Variants in DSN1 observed in about 807,000 individuals in gnomAD.
The protein encoded by DSN1 is DSN1 component of MIS12 kinetochore complex.
Under a neutral mutation model 45.7 loss-of-function variants are expected in DSN1, and 31 were observed. That is an observed-to-expected ratio of 0.68 (90% CI 0.51 to 0.92). The LOEUF (loss-of-function observed/expected upper bound fraction) is 0.92, where lower values mean the gene tolerates loss of function less well. Among genes scored for constraint, DSN1 ranks in the 40% least tolerant of loss-of-function variants. The pLI is 0.00. For missense variants in DSN1, 394 were observed against 414.2 expected (o/e 0.95, Z 0.42); for synonymous variants, 134 against 142.3 (o/e 0.94, Z 0.41).
At chr20:36,764,732 C>T (rs1187358016) in intron 5 of DSN1, among the ~76,000 whole-genome samples, 1 of 152,068 alleles carries the variant, frequency 6.6e-6, no homozygotes, top group Non-Finnish European at 1.5e-5. Flanking sequence ...ACCAGCCTGG[C>T]CAACATGGCG....
intron 6 of DSN1, among the ~76,000 whole-genome samples, 188 bp from the exon 7 acceptor site, chr20:36,758,805 A>G (rs1986815020): frequency 6.6e-6 from 1 of 152,004 alleles, no homozygotes; most frequent in Admixed American, 6.6e-5. Flanking sequence ...CTCCTGCCTT[A>G]GCCTCCAGAG....
chr20:36,762,638 G>A, intron 5 of DSN1, 90 bp from the exon 6 acceptor site: 2 of 1,172,236 alleles, frequency 1.7e-6, no homozygotes, highest in Non-Finnish European at 2.4e-6. Flanking sequence ...GGTAGTCTCA[G>A]CTCTAGGTAC....
chr20:36,772,988 TG>T (rs552041795), intron 1 of DSN1, among the ~76,000 whole-genome samples: 1 of 152,066 alleles, frequency 6.6e-6, no homozygotes, highest in Non-Finnish European at 1.5e-5. Context: ...AATCTGTCTG[TG>T]GGGGGTGCTA....
chr20:36,753,635 CAAAAAAAA>C (rs1290145844), intron 10 of DSN1, among the ~76,000 whole-genome samples: 1 of 49,904 alleles, frequency 2.0e-5, no homozygotes. Flanking sequence ...GAGACTGTCT[CAAAAAAAA>C]AAAAAAAAAA....
intron 4 of DSN1, 85 bp downstream of exon 4, chr20:36,767,876 TGGGTGACA>T (rs1053968304): frequency 9.2e-6 from 12 of 1,300,332 alleles, no homozygotes; most frequent in Non-Finnish European, 1.3e-5. Context: ...CACTCCAGCC[TGGGTGACA>T]GAGTCAGGCT....
At chr20:36,759,863 T>A (rs1481496779) in intron 6 of DSN1, among the ~76,000 whole-genome samples, 22 of 152,152 alleles carry the variant, frequency 1.4e-4, no homozygotes, top group Admixed American at 1.4e-3. Flanking sequence ...TATATTCTGT[T>A]TCTCTTATCA....
chr20:36,754,877 G>C (rs1238466755), intron 9 of DSN1, 27 bp from the exon 10 acceptor site: 1 of 1,601,670 alleles, frequency 6.2e-7, no homozygotes, highest in African/African-American at 1.3e-5. Flanking sequence ...GCTGTGAGCT[G>C]TAAAGGTCCA....
intron 8 of DSN1, 92 bp downstream of exon 8, chr20:36,757,995 T>G: frequency 8.3e-7 from 1 of 1,202,690 alleles, no homozygotes; most frequent in Non-Finnish European, 1.2e-6. Flanking sequence ...TGAGAAAGGA[T>G]TCATCTTTCA....
intron 6 of DSN1, among the ~76,000 whole-genome samples, chr20:36,759,545 G>A (rs924586207): frequency 1.3e-5 from 2 of 151,714 alleles, no homozygotes; most frequent in Non-Finnish European, 2.9e-5. Flanking sequence ...GTGCAGTGGC[G>A]CAATCTTGGC....
At position 36,771,168 on chromosome 20, in the gene DSN1, A is replaced by G. The variant is rs759465254; in HGVS notation, c.60T>C (p.Thr20=). 6.2e-7 allele frequency: 1 copy of G among 1,607,298 alleles called. No homozygotes were observed. Among genetic ancestry groups the G allele is most frequent in the Non-Finnish European group, 8.5e-7 (1 of 1,175,580 alleles). Reference sequence around the variant, plus strand: ...GACTTGATTCCAATTGATGATCATGAGTCTTAGACATCACTGGTCCTTTTT... The same window carrying G: ...GACTTGATTCCAATTGATGATCATGGGTCTTAGACATCACTGGTCCTTTTT... ...IDEKGPVMSK[T]HDHQLESSLS... The change falls in exon 3 of 11, where the codon ACT becomes ACC. Residue 20 remains threonine (T), a synonymous_variant. Transcript: ENST00000373750.
intron 5 of DSN1, among the ~76,000 whole-genome samples, chr20:36,764,776 C>T (rs1442018919): frequency 6.6e-6 from 1 of 151,924 alleles, no homozygotes; most frequent in Admixed American, 6.6e-5. Context: ...CAAAATTAGC[C>T]AGGCATGGTG....
rs1486150993 is a variant in DSN1 at position 36,770,940 on chromosome 20, C to T, written c.288G>A (p.Trp96Ter). Reference protein sequence around the residue: ...SASYQDRRQSWRRASMKETNR... With the variant: ...SASYQDRRQS ...TCGTTTCTTTCATACTTGCTCGCCG[C>T]CAGGATTGCCTCCTGTCTTGATAAC... Residue 96 changes from tryptophan (W) to a stop codon, truncating the protein, a stop_gained, in exon 3 of 11, where the codon TGG becomes TGA. Transcript: ENST00000373750. LOFTEE classifies it high-confidence loss of function. The T allele has an allele frequency of 6.2e-7, 1 of 1,614,180 alleles. No individual in the cohort carries two copies. The highest frequency in any genetic ancestry group is 1.7e-5 in the Admixed American group (1 of 60,016).
intron 5 of DSN1, among the ~76,000 whole-genome samples, chr20:36,763,080 T>C (rs1431245144): frequency 1.3e-5 from 2 of 152,222 alleles, no homozygotes; most frequent in African/African-American, 4.8e-5. Context: ...TAAATGTTTC[T>C]ATAAATGAAC....
At chr20:36,771,603 A>AGGTGGTGGGCCT in intron 1 of DSN1, 130 bp from the exon 2 acceptor site, 1 of 722,364 alleles carries the variant, frequency 1.4e-6, no homozygotes, top group Non-Finnish European at 2.3e-6. Flanking sequence ...CACCTCCCTG[A>AGGTGGTGGGCCT]CAGAGAATAT....
At chr20:36,758,001 T>C in intron 8 of DSN1, 86 bp downstream of exon 8, 1 of 1,283,006 alleles carries the variant, frequency 7.8e-7, no homozygotes, top group East Asian at 2.5e-5. Context: ...AGGATTCATC[T>C]TTCAATTTGT....
At position 36,771,106 on chromosome 20, in the gene DSN1, G is replaced by A. The variant is rs1259203967; in HGVS notation, c.122C>T (p.Ser41Phe). ...PVEVFAKTSA[S>F]LEMNQGVSEE... ...TGAAACGCCTTGATTCATCTCCAGG[G>A]AGGCAGATGTTTTAGCAAACACTTC... The change falls in exon 3 of 11, where the codon TCC (serine) becomes TTC (phenylalanine). Residue 41 changes from serine (S) to phenylalanine (F), a missense_variant. Ser to Phe is a radical substitution (Grantham distance 155). Coordinates refer to ENST00000373750, the MANE Select transcript of DSN1 (RefSeq NM_001145315.2). 6.2e-7 allele frequency: 1 copy of A among 1,614,132 alleles called. No homozygotes were observed. The highest frequency in any genetic ancestry group is 1.1e-5 in the South Asian group (1 of 91,080).
intron 1 of DSN1, 105 bp downstream of exon 1, chr20:36,773,557 G>C (rs925279355): frequency 4.3e-5 from 42 of 985,830 alleles, no homozygotes; most frequent in Non-Finnish European, 4.8e-5. Flanking sequence ...GTCGAGCTGG[G>C]CCGACGGGTA....
rs763993322 is a variant in DSN1 at position 36,755,804 on chromosome 20, C to T, written c.751G>A (p.Glu251Lys). ...SRGSTEAKIT[E>K]VKVEPMTYLG... is the part of the protein sequence containing the mutation. The stretch of plus-strand genomic sequence containing the variant: ...TATGTCATAGGTTCCACTTTGACCT[C>T]AGTAATTTTGGCCTCAGTTGATCCT... The change falls in exon 9 of 11, where the codon GAG becomes AAG. Residue 251 changes from glutamate (E) to lysine (K), a missense_variant. By Grantham distance (56) the Glu-to-Lys change is moderately conservative. Transcript: ENST00000373750. The T allele has an allele frequency of 1.2e-5, 20 of 1,612,310 alleles. No homozygotes were observed. The highest frequency in any genetic ancestry group is 1.3e-5 in the Non-Finnish European group (15 of 1,179,566).
chr20:36,770,499 G>C (rs1222181528), intron 3 of DSN1, among the ~76,000 whole-genome samples: 1 of 152,126 alleles, frequency 6.6e-6, no homozygotes, highest in Non-Finnish European at 1.5e-5. Context: ...AATCTTTAAT[G>C]TTTCTCACCC....
Sources: allele counts gnomAD v4.1 joint callset (sites outside exome capture counted in the v4.1 genomes callset), GRCh38; gene constraint gnomAD v4.1.1; transcripts MANE v1.5; gene names NCBI Gene and HGNC (gene_info 2026-07-23, HGNC 2026-07-21).